The following ADI1 variants were observed in gnomAD, a reference collection of about 807,000 sequenced individuals.
ADI1 encodes the protein acireductone dioxygenase 1.
In ADI1, 21 loss-of-function variants were observed where a neutral mutation model predicts 18.7. The ratio of observed to expected loss-of-function variants is 1.13; its 90% CI spans 0.80 to 1.62. The LOEUF (loss-of-function observed/expected upper bound fraction) is 1.62. Ranked by LOEUF, ADI1 falls within the 40% of genes most tolerant of loss-of-function variation. ADI1 has a pLI of 0.00. For synonymous variants in ADI1, 90 were observed against 100.1 expected, an observed-to-expected ratio of 0.90 and a Z score of 0.60; for missense variants, 245 against 254.9, an observed-to-expected ratio of 0.96 and a Z score of 0.26.
chr2:3,518,644 G>A (rs1178595408), intron 1 of ADI1, among the ~76,000 whole-genome samples: 1 of 151,926 alleles, frequency 6.6e-6, no homozygotes, highest in Non-Finnish European at 1.5e-5. Flanking sequence ...ACCCCCCGGG[G>A]ATCCCCGACA....
chr2:3,518,823 C>G (rs950343372), intron 1 of ADI1, among the ~76,000 whole-genome samples: 1 of 152,348 alleles, frequency 6.6e-6, no homozygotes, highest in Non-Finnish European at 1.5e-5. Flanking sequence ...ACTCGCAGCC[C>G]GCCTCCGGCG....
intron 2 of ADI1, among the ~76,000 whole-genome samples, chr2:3,511,030 G>A (rs1188232846): frequency 6.6e-6 from 1 of 152,232 alleles, no homozygotes; most frequent in East Asian, 1.9e-4. Context: ...AATTCTCAGT[G>A]TTGGAGATGG....
chr2:3,501,396 C>A (rs1460106036), intron 2 of ADI1, among the ~76,000 whole-genome samples: 1 of 151,892 alleles, frequency 6.6e-6, no homozygotes, highest in African/African-American at 2.4e-5. Flanking sequence ...GACACCCTGG[C>A]CCCATGCTCA....
At chr2:3,517,071 G>C (rs1667425353) in intron 1 of ADI1, 1 of 338,504 alleles carries the variant, frequency 3.0e-6, no homozygotes, top group Admixed American at 6.5e-5. Flanking sequence ...GCCCCAGGAT[G>C]AGACCAAACC....
chr2:3,517,067 G>A (rs1215143700), intron 1 of ADI1: 1 of 402,282 alleles, frequency 2.5e-6, no homozygotes, highest in Non-Finnish European at 3.4e-6. Context: ...CTAGGCCCCA[G>A]GATGAGACCA....
rs756010603 is a variant in ADI1 at position 3,500,985 on chromosome 2, C to T, written c.249G>A (p.Met83Ile). 1 of 1,606,210 alleles carries T rather than the reference C, an allele frequency of 6.2e-7. No homozygotes were observed. The highest frequency in any genetic ancestry group is 1.1e-5 in the South Asian group (1 of 89,564). ...CCAAGTGCAAATGCTCCTCGTAGAACATCTTAATCTAGTGCAGAAGGAACA... is the reference window on the plus strand; with the variant it reads ...CCAAGTGCAAATGCTCCTCGTAGAATATCTTAATCTAGTGCAGAAGGAACA... ...KLPNYEEKIK[M>I]FYEEHLHLDD... Residue 83 changes from methionine to isoleucine, a missense_variant, in exon 3 of 4, where the codon ATG becomes ATA. Physicochemically the swap from Met to Ile is conservative, Grantham distance 10 (BLOSUM62 1). Coordinates refer to ENST00000327435, the MANE Select transcript of ADI1 (RefSeq NM_018269.4).
chr2:3,507,376 T>G (rs1008657552), intron 2 of ADI1, among the ~76,000 whole-genome samples: 1 of 151,930 alleles, frequency 6.6e-6, no homozygotes, highest in Non-Finnish European at 1.5e-5. Context: ...CCTAGGCATA[T>G]CATATTAAAA....
In ADI1 at chr2:3,514,756, T is replaced by C. The variant is rs1667362148; in HGVS notation, c.121-780A>G. The C allele has an allele frequency of 2.6e-6, 4 of 1,537,842 alleles. No homozygotes were observed. The Admixed American group carries it at 6.0e-5, about 23-fold the overall frequency. On this transcript the variant is annotated intron_variant, in intron 1 of 3. Transcript: ENST00000327435. The stretch of plus-strand genomic sequence containing the variant: ...TATTTAAAACTACTGGCAGTGAATC[T>C]AGCACACTTTATGTTTTGCAATAAA...
At chr2:3,513,400 A>C (rs1242456482) in intron 2 of ADI1, among the ~76,000 whole-genome samples, 1 of 152,222 alleles carries the variant, frequency 6.6e-6, no homozygotes, top group Non-Finnish European at 1.5e-5. Flanking sequence ...TGTAATCCCC[A>C]GTATTGAAAG....
At chr2:3,511,671 G>C (rs1280971887) in intron 2 of ADI1, among the ~76,000 whole-genome samples, 5 of 152,196 alleles carry the variant, frequency 3.3e-5, no homozygotes, top group African/African-American at 1.2e-4. Flanking sequence ...CTGAAAATAT[G>C]GAAGCAGCTT....
chr2:3,508,248 T>C lies in ADI1; in HGVS notation c.240+5609A>G, dbSNP rs369801594. 8.4e-5 allele frequency among the ~76,000 whole-genome samples: 12 copies of C among 142,118 alleles called. No homozygotes were observed. In the East Asian group the frequency reaches 1.7e-3, roughly 20 times the overall value. 93.2% of individuals were successfully genotyped at this position (142,118 alleles called of 152,430 possible). ...TACTCAGGAGGTTGAGGCAGGAGAA[T>C]GGCATGAACCTAGGAGGTGGAGCTT... On this transcript the variant is annotated intron_variant, in intron 2 of 3. Coordinates refer to ENST00000327435, the MANE Select transcript of ADI1 (RefSeq NM_018269.4).
chr2:3,519,334 G>T (rs1667505247), intron 1 of ADI1, 34 bp downstream of exon 1: 1 of 1,371,326 alleles, frequency 7.3e-7, no homozygotes, highest in Non-Finnish European at 9.4e-7. Flanking sequence ...GGTCGGCGTC[G>T]CCCGCACGCT....
intron 2 of ADI1, among the ~76,000 whole-genome samples, chr2:3,503,383 G>T (rs999744493): frequency 7.9e-6 from 1 of 127,220 alleles, no homozygotes; most frequent in African/African-American, 3.3e-5. Context: ...ACATACACAC[G>T]TACTCACACG....
At chr2:3,500,470 A>ACAACCCTAGC in intron 3 of ADI1, 4 of 448,538 alleles carry the variant, frequency 8.9e-6, no homozygotes, top group Admixed American at 4.0e-5. Context: ...ACAACCCTAG[A>ACAACCCTAGC]GATGCCTCAC....
chr2:3,506,681 T>C (rs555826572), intron 2 of ADI1, among the ~76,000 whole-genome samples: 1 of 152,304 alleles, frequency 6.6e-6, no homozygotes, highest in South Asian at 2.1e-4. Context: ...ATTTTGCACA[T>C]ATCAGCAAAC....
Position 3,498,584 on chromosome 2 carries a change from T to G in ADI1, c.*379A>C, listed in dbSNP as rs1395817642. ...CATCATTTTGGAGAAAAAAGTGTCT[T>G]CTATCTGGCTAGCTGTGTTATCTAG... On this transcript the variant is annotated 3_prime_UTR_variant, in exon 4 of 4. Coordinates refer to ENST00000327435, the MANE Select transcript of ADI1 (RefSeq NM_018269.4). The G allele has an allele frequency of 1.2e-5, 2 of 168,206 alleles. No individual in the cohort carries two copies. The highest frequency in any genetic ancestry group is 2.5e-5 in the Non-Finnish European group (2 of 79,092). 10.4% of individuals were successfully genotyped at this position (168,206 alleles called of 1,614,324 possible). A position where few individuals can be genotyped will look rare whatever the true frequency, so the allele number is the denominator to read the frequency against.
At chr2:3,513,350 C>A (rs547441362) in intron 2 of ADI1, among the ~76,000 whole-genome samples, 2 of 152,258 alleles carry the variant, frequency 1.3e-5, no homozygotes, top group East Asian at 3.9e-4. Context: ...CAGAATAATA[C>A]AGTTTAGATT....
chr2:3,509,836 A>T (rs911152546), intron 2 of ADI1, among the ~76,000 whole-genome samples: 13 of 143,952 alleles, frequency 9.0e-5, no homozygotes, highest in Non-Finnish European at 2.0e-4. Context: ...CGCTACAAAA[A>T]ATTAAAAAAA....
chr2:3,500,498 G>GGT, intron 3 of ADI1: 1 of 491,142 alleles, frequency 2.0e-6, no homozygotes, highest in East Asian at 3.5e-5. Flanking sequence ...CAAGGGCTGG[G>GGT]GCAGGGCCAG....
Sources: gnomAD v4.1 joint callset for allele counts (sites outside exome capture counted in the v4.1 genomes callset) on GRCh38, gnomAD v4.1.1 for gene constraint, MANE v1.5 for transcripts, NCBI Gene and HGNC (gene_info 2026-07-23, HGNC 2026-07-21) for gene names.